RANBP3L: variants seen among roughly 807,000 people sequenced by gnomAD.
RANBP3L encodes ran-binding protein 3-like.
Under a neutral mutation model 67.2 loss-of-function variants are expected in RANBP3L, and 56 were observed. The observed-to-expected ratio is 0.83, with a 90% CI of 0.67 to 1.04. RANBP3L has a LOEUF of 1.04. Ranked by LOEUF, RANBP3L falls within the 50% of genes least tolerant of loss-of-function variation. The pLI, the probability that RANBP3L is intolerant of heterozygous loss-of-function variation, is 0.00. For synonymous variants in RANBP3L, 164 were observed against 181.4 expected, an observed-to-expected ratio of 0.90 and a Z score of 0.77; for missense variants, 496 against 535.5, an observed-to-expected ratio of 0.93 and a Z score of 0.73.
intron 4 of RANBP3L, among the ~76,000 whole-genome samples, chr5:36,267,416 G>C (rs1420888572): frequency 1.3e-5 from 2 of 152,010 alleles, no homozygotes; most frequent in Non-Finnish European, 2.9e-5. Flanking sequence ...GCTGAGGCAG[G>C]AGAGTCACTT....
chr5:36,301,584 T>G lies in RANBP3L; in HGVS notation c.-168A>C. The G allele has an allele frequency of 2.0e-6, 1 of 492,556 alleles. No individual in the cohort carries two copies. Among genetic ancestry groups the G allele is most frequent in the South Asian group, 4.2e-5 (1 of 23,912 alleles). 30.5% of individuals were successfully genotyped at this position (492,556 alleles called of 1,614,324 possible). ...TACTAAACTTCCAAGCTTTTTCCAG[T>G]CATGATTCTTGAAATAAATAATCAC... On this transcript the variant is annotated 5_prime_UTR_variant, in exon 1 of 14. Transcript: ENST00000296604.
At chr5:36,259,289 A>T (rs535004841) in intron 8 of RANBP3L, among the ~76,000 whole-genome samples, 2 of 152,290 alleles carry the variant, frequency 1.3e-5, no homozygotes, top group East Asian at 3.9e-4. Context: ...AGCCCTAAAA[A>T]TTTTGTAATG....
rs375831153 is a variant in RANBP3L, at chr5:36,257,005, C to T, written c.839G>A (p.Arg280Gln). The change falls in exon 10 of 14, where the codon CGA becomes CAA. Residue 280 changes from arginine to glutamine, a missense_variant. Coordinates refer to ENST00000296604, the MANE Select transcript of RANBP3L (RefSeq NM_145000.5). The stretch of plus-strand genomic sequence containing the variant: ...ATCAATTTTCTCCAGCAAGCATTTT[C>T]GTGATGGTTGGGAAGAGAATGCAGC... ...SAAAFSSQPS[R>Q]KCLLEKIDVI... The T allele has an allele frequency of 3.3e-5, 54 of 1,612,778 alleles. No homozygotes were observed. The highest frequency in any genetic ancestry group is 4.2e-5 in the Non-Finnish European group (49 of 1,179,214).
intron 12 of RANBP3L, 61 bp downstream of exon 12, chr5:36,253,586 T>C (rs1251263842): frequency 9.5e-6 from 13 of 1,373,332 alleles, no homozygotes; most frequent in Non-Finnish European, 1.3e-5. Flanking sequence ...AACAAATTAG[T>C]AATTGCAGAC....
At chr5:36,264,621 G>A (rs1326200013) in intron 6 of RANBP3L, among the ~76,000 whole-genome samples, 1 of 152,164 alleles carries the variant, frequency 6.6e-6, no homozygotes, top group African/African-American at 2.4e-5. Flanking sequence ...GCGATGTAGA[G>A]AAAATCCCTG....
Position 36,257,465 on chromosome 5 carries a change from A to C in RANBP3L, c.761T>G (p.Phe254Cys). The stretch of plus-strand genomic sequence containing the variant: ...GAAAGAATTCTTACTTGAACTTAAA[A>C]AGTTGACAGGAAATTTCGGAATGGA... ...FKSIPKFPVNFLSSRTDSIKN... is the reference protein window; with the variant it reads ...FKSIPKFPVNCLSSRTDSIKN... The change falls in exon 9 of 14, where the codon TTT (phenylalanine) becomes TGT (cysteine). Residue 254 changes from phenylalanine to cysteine, a missense_variant. Transcript: ENST00000296604. 1.3e-6 allele frequency: 2 copies of C among 1,542,436 alleles called. No homozygotes were observed. The highest frequency in any genetic ancestry group is 1.8e-6 in the Non-Finnish European group (2 of 1,122,380).
At position 36,251,513 on chromosome 5, in the gene RANBP3L, A is replaced by G; in HGVS notation, c.1168-14T>C. On this transcript the variant is annotated splice_polypyrimidine_tract_variant and intron_variant, in intron 12 of 13. Coordinates refer to ENST00000296604, the MANE Select transcript of RANBP3L (RefSeq NM_145000.5). The stretch of plus-strand genomic sequence containing the variant: ...TTGGGCACTGGCCTGCATGAGGAAC[A>G]TTAAATTGTTAAGAAAATCATTAAT... The G allele has an allele frequency of 6.4e-7, 1 of 1,559,280 alleles. No individual in the cohort carries two copies. The highest frequency in any genetic ancestry group is 8.7e-7 in the Non-Finnish European group (1 of 1,149,336).
chr5:36,253,856 A>G, intron 11 of RANBP3L, 67 bp from the exon 12 acceptor site: 3 of 1,468,842 alleles, frequency 2.0e-6, no homozygotes, highest in South Asian at 1.3e-5. Context: ...CCATTTTCAA[A>G]AGCAAAATAA....
chr5:36,261,827 A>G, intron 7 of RANBP3L, 112 bp downstream of exon 7: 1 of 526,050 alleles, frequency 1.9e-6, no homozygotes, highest in Non-Finnish European at 3.4e-6. Context: ...TTCAAATGGG[A>G]ATCTTGGCAA....
At chr5:36,260,122 G>A (rs1024935524) in intron 8 of RANBP3L, among the ~76,000 whole-genome samples, 1 of 151,846 alleles carries the variant, frequency 6.6e-6, no homozygotes, top group Non-Finnish European at 1.5e-5. Context: ...GGGAAGCTGA[G>A]GTGGGCAGAT....
intron 8 of RANBP3L, 29 bp downstream of exon 8, chr5:36,260,751 A>G (rs1469642320): frequency 1.0e-6 from 1 of 962,592 alleles, no homozygotes; most frequent in Non-Finnish European, 1.7e-6. Context: ...CTCTGTATAT[A>G]GTAATAGAAA....
At chr5:36,269,586 C>T in intron 3 of RANBP3L, 119 bp from the exon 4 acceptor site, 1 of 682,126 alleles carries the variant, frequency 1.5e-6, no homozygotes, top group Non-Finnish European at 2.6e-6. Flanking sequence ...TTTGATAGCA[C>T]ATTTTAAATA....
rs1748363398 is a variant in RANBP3L at position 36,247,686 on chromosome 5, C to G, written c.*1968G>C. On this transcript the variant is annotated 3_prime_UTR_variant, in exon 14 of 14. Transcript: ENST00000296604. ...ATCACTTGAGATCAGGAGTTCAAGA[C>G]CAGCCTGGCCAACATGGTGAAACCC... is the stretch of plus-strand genomic sequence containing the variant. Among the ~76,000 whole-genome samples, 1 of 152,122 alleles carries G rather than the reference C, an allele frequency of 6.6e-6. No homozygotes were observed. Among genetic ancestry groups the G allele is most frequent in the African/African-American group, 2.4e-5 (1 of 41,452 alleles).
intron 1 of RANBP3L, among the ~76,000 whole-genome samples, chr5:36,279,155 C>T (rs909675529): frequency 1.3e-5 from 2 of 152,030 alleles, no homozygotes; most frequent in Admixed American, 6.6e-5. Context: ...GTCAGAATCA[C>T]GATCTTGATT....
chr5:36,265,908 T>G (rs4869636), intron 4 of RANBP3L, among the ~76,000 whole-genome samples: 129,028 of 148,822 alleles, frequency 0.87, 57,112 homozygotes, highest in Non-Finnish European at 0.97. Context: ...ACCCAGGAGG[T>G]GGAGGTTGCA....
intron 11 of RANBP3L, among the ~76,000 whole-genome samples, chr5:36,255,217 T>C (rs1748883913): frequency 6.6e-6 from 1 of 152,014 alleles, no homozygotes. Flanking sequence ...TTGATATAAG[T>C]AGAGTAGAGA....
intron 1 of RANBP3L, among the ~76,000 whole-genome samples, chr5:36,298,119 T>G (rs1047472874): frequency 4.0e-5 from 6 of 151,552 alleles, no homozygotes; most frequent in African/African-American, 9.7e-5. Flanking sequence ...ACCAATATGG[T>G]GAAACCCCCG....
intron 1 of RANBP3L, among the ~76,000 whole-genome samples, chr5:36,285,484 A>G (rs1579763328): frequency 6.6e-6 from 1 of 152,322 alleles, no homozygotes; most frequent in South Asian, 2.1e-4. Context: ...TTGGCCCTTC[A>G]TCCCACAGGA....
intron 3 of RANBP3L, 52 bp from the exon 4 acceptor site, chr5:36,269,519 C>T: frequency 1.9e-6 from 2 of 1,051,352 alleles, no homozygotes; most frequent in Non-Finnish European, 3.0e-6. Flanking sequence ...ATAAATTATC[C>T]TCAACTCATG....
Sources: gnomAD v4.1 joint callset for allele counts (sites outside exome capture counted in the v4.1 genomes callset) on GRCh38, gnomAD v4.1.1 for gene constraint, MANE v1.5 for transcripts, NCBI Gene and HGNC (gene_info 2026-07-23, HGNC 2026-07-21) for gene names.